CDK7: variants seen among roughly 807,000 people sequenced by gnomAD.
CDK7 encodes the protein cyclin-dependent kinase 7.
Under a neutral mutation model 49.1 loss-of-function variants are expected in CDK7, and 25 were observed. The ratio of observed to expected loss-of-function variants is 0.51; its 90% CI spans 0.37 to 0.71. CDK7 has a LOEUF of 0.71. Among genes scored for constraint, CDK7 ranks in the 30% least tolerant of loss-of-function variants. The pLI is 0.00. For synonymous variants in CDK7, 107 were observed against 140.0 expected, an observed-to-expected ratio of 0.76 and a Z score of 1.67; for missense variants, 316 against 411.7, an observed-to-expected ratio of 0.77 and a Z score of 2.01.
chr5:69,252,455 A>C lies in CDK7; in HGVS notation c.160+4A>C. 1 of 1,456,034 alleles carries C rather than the reference A, an allele frequency of 6.9e-7. No homozygotes were observed. The highest frequency in any genetic ancestry group is 9.4e-7 in the Non-Finnish European group (1 of 1,066,788). 90.2% of individuals were successfully genotyped at this position (1,456,034 alleles called of 1,614,324 possible). On this transcript the variant is annotated splice_donor_region_variant and intron_variant, in intron 3 of 11. Coordinates refer to ENST00000256443, the MANE Select transcript of CDK7 (RefSeq NM_001799.4). ...CATAGATCAGAAGCTAAAGATGGTA[A>C]GTATTTCATGTAATCTGACAGATAG...
intron 1 of CDK7, 171 bp downstream of exon 1, chr5:69,235,212 C>A: frequency 1.3e-6 from 1 of 751,050 alleles, no homozygotes; most frequent in Non-Finnish European, 2.3e-6. Context: ...GGGGTGAATC[C>A]CTGAGGGGCC....
Position 69,235,453 on chromosome 5 carries a change from A to C in CDK7, c.126A>C (p.Lys42Asn). 1.9e-6 allele frequency: 3 copies of C among 1,593,224 alleles called. No homozygotes were observed. Among genetic ancestry groups the C allele is most frequent in the Non-Finnish European group, 2.6e-6 (3 of 1,161,336 alleles). Residue 42 changes from lysine to asparagine, a missense_variant and splice_region_variant, in exon 2 of 12, where the codon AAA becomes AAC. Lys to Asn is a moderately conservative substitution (Grantham distance 94). Transcript: ENST00000256443. The stretch of plus-strand genomic sequence containing the variant: ...CCAACCAAATTGTCGCCATTAAGAA[A>C]GTGAGTTACCTTTTTATGTTGTTTT... ...KNTNQIVAIK[K>N]IKLGHRSEAK...
chr5:69,269,357 A>G (rs1751374911), intron 9 of CDK7, 64 bp downstream of exon 9: 1 of 1,064,662 alleles, frequency 9.4e-7, no homozygotes, highest in Admixed American at 2.1e-5. Flanking sequence ...AAACTGTCAT[A>G]TACTTTATAT....
At position 69,235,451 on chromosome 5, in the gene CDK7, AAAGT is replaced by A. The variant is rs1277885733; in HGVS notation, c.125_126+2del. ...CACCAACCAAATTGTCGCCATTAAG[AAAGT>A]GAGTTACCTTTTTATGTTGTTTTTA... On this transcript the variant is annotated splice_donor_variant and coding_sequence_variant, in exon 2 of 12. Transcript: ENST00000256443. LOFTEE classifies it high-confidence loss of function. The A allele has an allele frequency of 3.8e-6, 6 of 1,594,358 alleles. No homozygotes were observed. The highest frequency in any genetic ancestry group is 4.3e-6 in the Non-Finnish European group (5 of 1,162,506).
chr5:69,239,919 C>T (rs1454535780), intron 2 of CDK7, among the ~76,000 whole-genome samples: 3 of 149,872 alleles, frequency 2.0e-5, no homozygotes, highest in Non-Finnish European at 4.4e-5. Flanking sequence ...TCTATATTGG[C>T]CAGGCTGGTC....
chr5:69,240,667 C>T (rs796636353), intron 2 of CDK7, among the ~76,000 whole-genome samples: 4 of 152,110 alleles, frequency 2.6e-5, no homozygotes, highest in African/African-American at 4.8e-5. Context: ...CTCCCTCTGT[C>T]GCCAGGCTGG....
intron 5 of CDK7, among the ~76,000 whole-genome samples, chr5:69,256,890 C>A (rs911806900): frequency 2.0e-5 from 3 of 151,956 alleles, no homozygotes; most frequent in African/African-American, 7.3e-5. Context: ...AAAACGTATG[C>A]CAGAATTCAG....
chr5:69,262,420 G>A, intron 8 of CDK7, 116 bp downstream of exon 8: 1 of 1,393,736 alleles, frequency 7.2e-7, no homozygotes, highest in South Asian at 1.2e-5. Flanking sequence ...TGTAATCCCA[G>A]CACTTTGGGA....
chr5:69,261,375 A>G (rs1750799588), intron 7 of CDK7, among the ~76,000 whole-genome samples: 1 of 152,186 alleles, frequency 6.6e-6, no homozygotes, highest in Non-Finnish European at 1.5e-5. Context: ...AATCAAATTA[A>G]GATGAAGACT....
chr5:69,246,801 G>T (rs1459976636), intron 2 of CDK7, among the ~76,000 whole-genome samples: 2 of 150,728 alleles, frequency 1.3e-5, no homozygotes, highest in Admixed American at 1.3e-4. Context: ...TTGTGTTTCC[G>T]TTATAATTTC....
intron 2 of CDK7, among the ~76,000 whole-genome samples, chr5:69,246,302 G>A (rs1159539273): frequency 1.3e-5 from 2 of 151,880 alleles, no homozygotes; most frequent in African/African-American, 2.4e-5. Flanking sequence ...ACGCCTGGCC[G>A]ATGTTTGTAT....
chr5:69,269,246 A>G lies in CDK7; in HGVS notation c.667A>G (p.Thr223Ala), dbSNP rs564582744. 6.2e-7 allele frequency: 1 copy of G among 1,612,694 alleles called. No homozygotes were observed. Among genetic ancestry groups the G allele is most frequent in the Non-Finnish European group, 8.5e-7 (1 of 1,179,454 alleles). Residue 223 changes from threonine to alanine, a missense_variant, in exon 9 of 12, where the codon ACA becomes GCA. Coordinates refer to ENST00000256443, the MANE Select transcript of CDK7 (RefSeq NM_001799.4). Reference protein sequence around the residue: ...LPGDSDLDQLTRIFETLGTPT... With the variant: ...LPGDSDLDQLARIFETLGTPT... Reference sequence around the variant, plus strand: ...AGGAGATTCAGACCTTGATCAGCTAACAAGAATATTTGAAACTTTGGGCAC... The same window carrying G: ...AGGAGATTCAGACCTTGATCAGCTAGCAAGAATATTTGAAACTTTGGGCAC...
intron 2 of CDK7, among the ~76,000 whole-genome samples, chr5:69,246,055 C>T (rs755716933): frequency 2.6e-5 from 4 of 151,994 alleles, no homozygotes; most frequent in Non-Finnish European, 5.9e-5. Flanking sequence ...TTAATCATGG[C>T]GAAAGGTGAA....
chr5:69,238,170 AATTT>A (rs1240630817), intron 2 of CDK7, among the ~76,000 whole-genome samples: 1 of 152,196 alleles, frequency 6.6e-6, no homozygotes, highest in Non-Finnish European at 1.5e-5. Context: ...TTTGTTTCCC[AATTT>A]ATTTAACCAA....
chr5:69,266,957 G>T (rs1206440755), intron 8 of CDK7, among the ~76,000 whole-genome samples: 1 of 151,964 alleles, frequency 6.6e-6, no homozygotes, highest in Non-Finnish European at 1.5e-5. Flanking sequence ...GAGATGATGG[G>T]TCAAAGAACC....
chr5:69,239,241 C>T (rs1749209385), intron 2 of CDK7, among the ~76,000 whole-genome samples: 2 of 152,248 alleles, frequency 1.3e-5, no homozygotes, highest in South Asian at 4.2e-4. Context: ...ACATCATTTG[C>T]ATTGTCAGAC....
chr5:69,241,420 A>C (rs1412007768), intron 2 of CDK7, among the ~76,000 whole-genome samples: 1 of 146,544 alleles, frequency 6.8e-6, no homozygotes, highest in African/African-American at 2.5e-5. Flanking sequence ...TCCTGGGTTC[A>C]AGCAATTCTC....
chr5:69,259,796 G>T (rs1224413394), intron 6 of CDK7, 22 bp from the exon 7 acceptor site: 15 of 1,521,708 alleles, frequency 9.9e-6, no homozygotes, highest in Non-Finnish European at 1.4e-5. Flanking sequence ...TTATTTGTTT[G>T]TTTAAAACTT....
At chr5:69,251,733 A>ATGT (rs1329076276) in intron 2 of CDK7, among the ~76,000 whole-genome samples, 7 of 152,002 alleles carry the variant, frequency 4.6e-5, no homozygotes, top group African/African-American at 1.7e-4. Flanking sequence ...AGGTCTTGCT[A>ATGT]TGTTGCCCAG....
Sources: gnomAD v4.1 joint callset for allele counts (sites outside exome capture counted in the v4.1 genomes callset) on GRCh38, gnomAD v4.1.1 for gene constraint, MANE v1.5 for transcripts, NCBI Gene and HGNC (gene_info 2026-07-23, HGNC 2026-07-21) for gene names.